The following ANK2 variants were observed in gnomAD, a reference collection of about 807,000 sequenced individuals.
ANK2 encodes the protein ankyrin 2, also known as ankyrin-2.
ANK2 carries 83 observed loss-of-function variants against 360.5 expected under a neutral mutation model. The ratio of observed to expected loss-of-function variants is 0.23; its 90% CI spans 0.19 to 0.28. The LOEUF (loss-of-function observed/expected upper bound fraction) is 0.28. Among genes scored for constraint, ANK2 ranks in the 10% least tolerant of loss-of-function variants. ANK2 has a pLI of 1.00. For missense variants in ANK2, 4,201 were observed against 4,795.7 expected (o/e 0.88, Z 3.66); for synonymous variants, 1,740 against 1,759.5 (o/e 0.99, Z 0.28).
chr4:112,712,055 C>CACAT, the ANK2 span, among the ~76,000 whole-genome samples: 3 of 146,330 alleles, frequency 2.1e-5, no homozygotes, highest in East Asian at 2.0e-4. Flanking sequence ...CACACACACA[C>CACAT]ATATATATAT....
intron 2 of ANK2, among the ~76,000 whole-genome samples, chr4:112,931,758 C>T (rs1047946178): frequency 6.6e-6 from 1 of 152,136 alleles, no homozygotes; most frequent in African/African-American, 2.4e-5. Context: ...ATAACTCTTT[C>T]AAACAGTATC....
At chr4:113,369,874 A>T in intron 43 of ANK2, 69 bp downstream of exon 43, 2 of 1,602,318 alleles carry the variant, frequency 1.2e-6, no homozygotes, top group Non-Finnish European at 1.7e-6. Flanking sequence ...TTCCATTTCT[A>T]TGATGGTTTA....
chr4:112,972,808 G>C (rs948741064), intron 2 of ANK2, among the ~76,000 whole-genome samples: 1 of 151,934 alleles, frequency 6.6e-6, no homozygotes, highest in African/African-American at 2.4e-5. Context: ...AGAAAACATG[G>C]TATATATATA....
chr4:112,794,673 G>A, the ANK2 span, among the ~76,000 whole-genome samples: 1 of 152,184 alleles, frequency 6.6e-6, no homozygotes, highest in Non-Finnish European at 1.5e-5. Context: ...AGATAAAGAA[G>A]CACTTTCTTC....
At chr4:113,253,623 T>C (rs1007946026) in intron 10 of ANK2, among the ~76,000 whole-genome samples, 1 of 152,160 alleles carries the variant, frequency 6.6e-6, no homozygotes. Context: ...GGACTCTTCT[T>C]TTTCTCACTT....
chr4:113,202,237 C>T (rs2098840176), intron 4 of ANK2, among the ~76,000 whole-genome samples: 1 of 152,080 alleles, frequency 6.6e-6, no homozygotes, highest in East Asian at 1.9e-4. Context: ...AATCCCAAAA[C>T]TGATGGTTTC....
chr4:113,197,619 G>A (rs1317141174), intron 3 of ANK2, among the ~76,000 whole-genome samples: 1 of 152,224 alleles, frequency 6.6e-6, no homozygotes, highest in East Asian at 1.9e-4. Context: ...TAAAAACATG[G>A]CCAGTTAACG....
chr4:112,723,450 G>A, the ANK2 span, among the ~76,000 whole-genome samples: 3 of 152,046 alleles, frequency 2.0e-5, no homozygotes, highest in South Asian at 4.1e-4. Context: ...TGCAACCTCC[G>A]CCTCCCGGGT....
intron 1 of ANK2, among the ~76,000 whole-genome samples, chr4:112,834,153 C>T (rs6856180): frequency 0.13 from 19,712 of 152,058 alleles, 2,044 homozygotes; most frequent in East Asian, 0.5. Flanking sequence ...ATAATGGACC[C>T]CCAGGTAGCC....
At chr4:112,706,941 C>G in the ANK2 span, 1 of 152,156 alleles carries the variant, frequency 6.6e-6, no homozygotes, top group Non-Finnish European at 1.5e-5. Flanking sequence ...TGGTTGTGAT[C>G]TGTGATTTGG....
At chr4:113,051,106 T>C (rs1480568715) in intron 1 of ANK2, among the ~76,000 whole-genome samples, 1 of 152,112 alleles carries the variant, frequency 6.6e-6, no homozygotes, top group East Asian at 1.9e-4. Context: ...TACCTAAGCA[T>C]TCCAGATCTA....
chr4:113,038,335 G>A (rs911778805), intron 2 of ANK2, among the ~76,000 whole-genome samples: 5 of 151,902 alleles, frequency 3.3e-5, no homozygotes, highest in Admixed American at 1.3e-4. Flanking sequence ...AAATAGTAGC[G>A]TTTGACCCAG....
At chr4:113,155,651 GA>G (rs1476165882) in intron 1 of ANK2, among the ~76,000 whole-genome samples, 1 of 152,068 alleles carries the variant, frequency 6.6e-6, no homozygotes. Flanking sequence ...TTCAGGGTTG[GA>G]AAGCATAAAA....
chr4:112,735,644 G>C, the ANK2 span, among the ~76,000 whole-genome samples: 1 of 152,094 alleles, frequency 6.6e-6, no homozygotes, highest in East Asian at 1.9e-4. Flanking sequence ...ATTACCCTCT[G>C]TACCATTCAT....
chr4:113,206,214 T>C (rs2098945702), intron 4 of ANK2, among the ~76,000 whole-genome samples: 1 of 152,168 alleles, frequency 6.6e-6, no homozygotes, highest in South Asian at 2.1e-4. Flanking sequence ...AAGCCCAAAA[T>C]GCATTAGTTA....
At chr4:112,844,282 A>G (rs2062802879) in intron 1 of ANK2, among the ~76,000 whole-genome samples, 1 of 152,214 alleles carries the variant, frequency 6.6e-6, no homozygotes, top group Admixed American at 6.5e-5. Flanking sequence ...TACCCTTAGC[A>G]TAGGGTGGCA....
chr4:113,218,499 A>C (rs568117589), intron 4 of ANK2, among the ~76,000 whole-genome samples: 1 of 152,072 alleles, frequency 6.6e-6, no homozygotes, highest in African/African-American at 2.4e-5. Context: ...CAATAACTTC[A>C]TTTGATTGGA....
At chr4:112,951,357 T>G (rs1039798130) in intron 2 of ANK2, among the ~76,000 whole-genome samples, 1 of 152,170 alleles carries the variant, frequency 6.6e-6, no homozygotes, top group Non-Finnish European at 1.5e-5. Context: ...GTATTTGTGA[T>G]ATAGGAGAAA....
chr4:113,212,935 T>C (rs1284054174), intron 4 of ANK2, among the ~76,000 whole-genome samples: 1 of 152,194 alleles, frequency 6.6e-6, no homozygotes, highest in African/African-American at 2.4e-5. Context: ...ACAACCTCCT[T>C]AGAACACTGT....
Sources: allele counts gnomAD v4.1 joint callset (sites outside exome capture counted in the v4.1 genomes callset), GRCh38; gene constraint gnomAD v4.1.1; transcripts MANE v1.5; gene names NCBI Gene and HGNC (gene_info 2026-07-23, HGNC 2026-07-21).